SCO2: variants seen among roughly 807,000 people sequenced by gnomAD.
SCO2 encodes the protein synthesis of cytochrome C oxidase 2, also known as cytochrome c oxidase assembly factor SCO2.
For missense variants in SCO2, 429 were observed against 348.7 expected (o/e 1.23, Z -1.83); for synonymous variants, 195 against 148.6 (o/e 1.31, Z -2.27).
chr22:50,524,751 T>C (rs1340078564), intron 1 of SCO2: 1 of 512,368 alleles, frequency 2.0e-6, no homozygotes, highest in South Asian at 1.6e-5. Flanking sequence ...CCACGTTATC[T>C]ATTTGCAATA....
At chr22:50,526,100 G>A, upstream of SCO2, 1 of 1,490,198 alleles carries the variant, frequency 6.7e-7, no homozygotes, top group Non-Finnish European at 8.9e-7. Flanking sequence ...AGCTCGTGCA[G>A]CACCAGCGCC....
chr22:50,525,838 G>C (rs759980987), upstream of SCO2: 25 of 1,608,266 alleles, frequency 1.6e-5, no homozygotes, highest in East Asian at 4.7e-4. Flanking sequence ...CGGTCGGAGA[G>C]TACGAGCGCC....
upstream of SCO2, chr22:50,526,182 GC>G (rs771203223): frequency 6.1e-6 from 9 of 1,473,312 alleles, no homozygotes; most frequent in Non-Finnish European, 7.2e-6. Flanking sequence ...TCGGGAAGGG[GC>G]GGGGCCTCGG....
chr22:50,525,935 TGTTA>T, upstream of SCO2: 1 of 1,440,126 alleles, frequency 6.9e-7, no homozygotes, highest in African/African-American at 1.5e-5. Flanking sequence ...AGCGAGGGGC[TGTTA>T]GAGGCCGCGC....
At chr22:50,525,782 C>T (rs764805032), upstream of SCO2, 3 of 1,610,804 alleles carry the variant, frequency 1.9e-6, no homozygotes, top group South Asian at 2.2e-5. Flanking sequence ...ATTGCTGCGG[C>T]GGCAGAACGA....
Position 50,524,162 on chromosome 22 carries a change from T to G in SCO2, c.250A>C (p.Arg84=), listed in dbSNP as rs1569521575. The change falls in exon 2 of 2, where the codon AGG becomes CGG. Residue 84 remains arginine (R), a synonymous_variant. Transcript: ENST00000395693. ...AWLALRAEKE[R]LQQQKRTEAL... is the part of the protein sequence containing the mutation. ...TCTGTTCGCTTTTGCTGCTGCAGCC[T>G]CTCCTTCTCAGCCCTCAGGGCCAGC... 1 of 1,610,818 alleles carries G rather than the reference T, an allele frequency of 6.2e-7. No individual in the cohort carries two copies. Among genetic ancestry groups the G allele is most frequent in the Admixed American group, 1.7e-5 (1 of 60,026 alleles).
chr22:50,526,376 G>C (rs2069377075), upstream of SCO2: 1 of 1,537,024 alleles, frequency 6.5e-7, no homozygotes, highest in Non-Finnish European at 8.7e-7. Flanking sequence ...GCATCCGCTC[G>C]AAGCGGCCAA....
upstream of SCO2, chr22:50,526,333 G>C: frequency 2.6e-6 from 4 of 1,560,174 alleles, no homozygotes; most frequent in Non-Finnish European, 3.4e-6. Flanking sequence ...CACAGGGCTC[G>C]GGCCAGACCG....
chr22:50,525,480 G>A lies in SCO2; in HGVS notation c.-22C>T. ...AGCCCCGGCGTCCGCACCTCGCGGCGGGGCCGCGCGTCAGTGGACCAAGCA... is the reference window on the plus strand; with the variant it reads ...AGCCCCGGCGTCCGCACCTCGCGGCAGGGCCGCGCGTCAGTGGACCAAGCA... On this transcript the variant is annotated 5_prime_UTR_variant, in exon 1 of 2. Transcript: ENST00000395693. 8.3e-6 allele frequency: 4 copies of A among 482,194 alleles called. No individual in the cohort carries two copies. The East Asian group carries it at 1.2e-4, about 15-fold the overall frequency. The allele number at this position is 482,194 out of a possible 1,614,324, so 29.9% of individuals were successfully genotyped here. A position where few individuals can be genotyped will look rare whatever the true frequency, so the allele number is the denominator to read the frequency against.
upstream of SCO2, chr22:50,526,051 A>C: frequency 2.0e-6 from 3 of 1,482,052 alleles, no homozygotes; most frequent in Non-Finnish European, 2.7e-6. Flanking sequence ...GCCCACCCCC[A>C]GGCGGAGCGG....
Position 50,523,872 on chromosome 22 carries a change from G to A in SCO2, c.540C>T (p.Tyr180=), listed in dbSNP as rs375795527. The A allele has an allele frequency of 6.9e-5, 112 of 1,613,844 alleles. No individual in the cohort carries two copies. The Middle Eastern group carries it at 1.2e-3, about 17-fold the overall frequency. The change falls in exon 2 of 2, where the codon TAC becomes TAT. Residue 180 remains tyrosine, a synonymous_variant. Transcript: ENST00000395693. ...ERDDVEAMAR[Y]VQDFHPRLLG... ...ACAGTCTTGGGTGGAAGTCCTGGAC[G>A]TAGCGGGCCATGGCTTCAACGTCGT...
Position 50,524,367 on chromosome 22 carries a change from A to T in SCO2, c.45T>A (p.Ser15=). The change falls in exon 2 of 2, where the codon TCT becomes TCA. Residue 15 remains serine, a synonymous_variant. Coordinates refer to ENST00000395693, the MANE Select transcript of SCO2 (RefSeq NM_005138.3). ...TRSPTAWHRL[S]QLKPRVLPGT... ...CAGGGAGGACCCGAGGCTTGAGCTG[A>T]GAGAGCCTGTGCCAAGCTGTGGGGC... 3 of 1,602,498 alleles carry T rather than the reference A, an allele frequency of 1.9e-6. No homozygotes were observed. Among genetic ancestry groups the T allele is most frequent in the Non-Finnish European group, 2.5e-6 (3 of 1,179,810 alleles).
At chr22:50,524,737 C>G (rs1345406442) in intron 1 of SCO2, 8 of 563,812 alleles carry the variant, frequency 1.4e-5, no homozygotes, top group Admixed American at 2.2e-5. Context: ...CTTGCCTGAA[C>G]TAACCACGTT....
At chr22:50,525,602 G>A, upstream of SCO2, 11 of 1,041,574 alleles carry the variant, frequency 1.1e-5, no homozygotes, top group Non-Finnish European at 1.6e-5. Flanking sequence ...AGGCGTCCCC[G>A]GAGCTGCGCA....
At chr22:50,526,005 G>A, upstream of SCO2, 2 of 1,447,174 alleles carry the variant, frequency 1.4e-6, no homozygotes, top group Non-Finnish European at 1.8e-6. Context: ...GCTCACCACG[G>A]CGCAGCCTCT....
At position 50,524,429 on chromosome 22, in the gene SCO2, A is replaced by G. The variant is rs749810954; in HGVS notation, c.-13-5T>C. 5.6e-6 allele frequency: 9 copies of G among 1,609,890 alleles called. No homozygotes were observed. In the South Asian group the frequency reaches 9.9e-5, roughly 18 times the overall value. On this transcript the variant is annotated splice_region_variant and splice_polypyrimidine_tract_variant and intron_variant, in intron 1 of 1. Coordinates refer to ENST00000395693, the MANE Select transcript of SCO2 (RefSeq NM_005138.3). ...AGCAGCATGGATCTGATGCTCCTGG[A>G]AACAAGCACAGGCGTCAGGAGCCAG...
Position 50,524,178 on chromosome 22 carries a change from C to G in SCO2, c.234G>C (p.Leu78=). ...GCTGCAGCCTCTCCTTCTCAGCCCTCAGGGCCAGCCAGGCCCCACCGAGTC... is the reference window on the plus strand; with the variant it reads ...GCTGCAGCCTCTCCTTCTCAGCCCTGAGGGCCAGCCAGGCCCCACCGAGTC... The part of the protein sequence containing the change: ...GAGLGGAWLA[L]RAEKERLQQQ... Residue 78 remains leucine, a synonymous_variant, in exon 2 of 2, where the codon CTG becomes CTC. Transcript: ENST00000395693. 1 of 1,609,444 alleles carries G rather than the reference C, an allele frequency of 6.2e-7. No individual in the cohort carries two copies. The highest frequency in any genetic ancestry group is 2.2e-5 in the East Asian group (1 of 44,880).
Position 50,525,546 on chromosome 22 carries a change from C to G in SCO2, c.-88G>C. 1 of 658,316 alleles carries G rather than the reference C, an allele frequency of 1.5e-6. No homozygotes were observed. The highest frequency in any genetic ancestry group is 2.5e-6 in the Non-Finnish European group (1 of 393,796). The allele number at this position is 658,316 out of a possible 1,614,324, so 40.8% of individuals were successfully genotyped here. On this transcript the variant is annotated 5_prime_UTR_variant, in exon 1 of 2. Coordinates refer to ENST00000395693, the MANE Select transcript of SCO2 (RefSeq NM_005138.3). ...ACCTCCAGCTCCCTGCGCTCTGCCC[C>G]GCCGGCTCAGGGAAAGCGGGCGCCA...
In SCO2 at chr22:50,523,688, C is replaced by G. The variant is rs200610534; in HGVS notation, c.724G>C (p.Gly242Arg). The G allele has an allele frequency of 1.5e-5, 25 of 1,613,962 alleles. No homozygotes were observed. Among genetic ancestry groups the G allele is most frequent in the Non-Finnish European group, 1.9e-5 (23 of 1,180,032 alleles). Reference sequence around the variant, plus strand: ...ATCTGCTCAGCCGATCTGCTCCGGCCGTAGTAATCCGTGAAGAGGCCGTCA... The same window carrying G: ...ATCTGCTCAGCCGATCTGCTCCGGCGGTAGTAATCCGTGAAGAGGCCGTCA... Reference protein sequence around the residue: ...NPDGLFTDYYGRSRSAEQISD... With the variant: ...NPDGLFTDYYRRSRSAEQISD... The change falls in exon 2 of 2, where the codon GGC becomes CGC. Residue 242 changes from glycine to arginine, a missense_variant. Physicochemically the swap from Gly to Arg is moderately radical, Grantham distance 125. Coordinates refer to ENST00000395693, the MANE Select transcript of SCO2 (RefSeq NM_005138.3).
Sources: allele counts gnomAD v4.1 joint callset, GRCh38; gene constraint gnomAD v4.1.1; transcripts MANE v1.5; gene names NCBI Gene and HGNC (gene_info 2026-07-23, HGNC 2026-07-21).